RPS26: variants seen among roughly 807,000 people sequenced by gnomAD.
RPS26 encodes the protein small ribosomal subunit protein eS26.
RPS26 carries 1 observed loss-of-function variant against 14.7 expected under a neutral mutation model. The ratio of observed to expected loss-of-function variants is 0.07; its 90% confidence interval spans 0.02 to 0.32. The LOEUF is 0.32. Among genes scored for constraint, RPS26 ranks in the 10% least tolerant of loss-of-function variants. The pLI is 1.00. For synonymous variants in RPS26, 59 were observed against 53.1 expected (o/e 1.11, Z -0.48); for missense variants, 63 against 157.7 (o/e 0.40, Z 3.22).
intron 2 of RPS26, chr12:56,042,884 C>A (rs1462672145): frequency 3.7e-6 from 2 of 533,890 alleles, no homozygotes; most frequent in Non-Finnish European, 6.7e-6. Flanking sequence ...TTTGACAATT[C>A]TTGTGCTATT....
chr12:56,044,060 GGGAA>G, intron 3 of RPS26, 55 bp from the exon 4 acceptor site: 1 of 1,440,898 alleles, frequency 6.9e-7, no homozygotes, highest in Non-Finnish European at 9.8e-7. Flanking sequence ...AGTTCTTTGG[GGGAA>G]GGGAGTCTTG....
intron 1 of RPS26, 63 bp from the exon 2 acceptor site, chr12:56,042,362 G>A (rs1197411407): frequency 1.3e-5 from 21 of 1,575,210 alleles, no homozygotes; most frequent in Non-Finnish European, 1.8e-5. Context: ...GCTTGTGGCC[G>A]GAAAGGGACT....
In RPS26 at chr12:56,044,152, T is replaced by A; in HGVS notation, c.346T>A (p.Ter116LysextTer17). ...CCCACGTCCCCCACCAAAGCCCATG[T>A]AAGGAGCTGAGTTCTTAAAGACTGA... ...AAPRPPPKPM[*>K] Residue 116 changes from the stop codon to lysine, a stop_lost, in exon 4 of 4, where the codon TAA becomes AAA. Transcript: ENST00000646449. 6.2e-7 allele frequency: 1 copy of A among 1,610,870 alleles called. No homozygotes were observed.
intron 3 of RPS26, 60 bp downstream of exon 3, chr12:56,043,553 A>G (rs951706782): frequency 6.4e-6 from 10 of 1,573,294 alleles, no homozygotes; most frequent in Middle Eastern, 1.7e-4. Flanking sequence ...TTCATCCTGG[A>G]GGGTCAGGGT....
At chr12:56,042,859 T>C in intron 2 of RPS26, 1 of 564,606 alleles carries the variant, frequency 1.8e-6, no homozygotes. Flanking sequence ...TTGCAAAAAC[T>C]AGAAACTTGG....
At chr12:56,042,829 T>C in intron 2 of RPS26, 1 of 596,856 alleles carries the variant, frequency 1.7e-6, no homozygotes, top group Middle Eastern at 4.5e-4. Context: ...GGTAAAGGTT[T>C]GCCTGTTTCG....
intron 3 of RPS26, among the ~76,000 whole-genome samples, 185 bp from the exon 4 acceptor site, chr12:56,043,934 C>T (rs1265944743): frequency 1.3e-5 from 2 of 152,034 alleles, no homozygotes; most frequent in Non-Finnish European, 2.9e-5. Context: ...CACTGCAAAG[C>T]AGTGTTAGAA....
At chr12:56,042,890 C>T (rs1895908710) in intron 2 of RPS26, 4 of 520,960 alleles carry the variant, frequency 7.7e-6, no homozygotes, top group East Asian at 7.2e-5. Context: ...AATTCTTGTG[C>T]TATTGATTAT....
rs1045784939 is a variant in RPS26 at position 56,042,947 on chromosome 12, T to C, written c.181+345T>C. 3 of 423,956 alleles carry C rather than the reference T, an allele frequency of 7.1e-6. No individual in the cohort carries two copies. The Admixed American group carries it at 1.1e-4, about 16-fold the overall frequency. The allele number at this position is 423,956 out of a possible 1,614,324, so 26.3% of individuals were successfully genotyped here. On this transcript the variant is annotated intron_variant, in intron 2 of 3. Transcript: ENST00000646449. ...CAGGTGAGGAAGAATGTCTTCAACGTTTCGAGAATGGAGGCCGTCTAGTTT... is the reference window on the plus strand; with the variant it reads ...CAGGTGAGGAAGAATGTCTTCAACGCTTCGAGAATGGAGGCCGTCTAGTTT...
At chr12:56,042,832 C>G (rs1359210879) in intron 2 of RPS26, 3 of 592,662 alleles carry the variant, frequency 5.1e-6, no homozygotes, top group Non-Finnish European at 9.0e-6. Context: ...AAAGGTTTGC[C>G]TGTTTCGGTT....
rs771942773 is a variant in RPS26 at position 56,043,359 on chromosome 12, T to A, written c.182-4T>A. 6.2e-7 allele frequency: 1 copy of A among 1,611,526 alleles called. No individual in the cohort carries two copies. Among genetic ancestry groups the A allele is most frequent in the South Asian group, 1.1e-5 (1 of 90,976 alleles). On this transcript the variant is annotated splice_polypyrimidine_tract_variant and splice_region_variant and intron_variant, in intron 2 of 3. Transcript: ENST00000646449. ...CCAGTATAACTCTATTTTCTATTCCTTAGCCTATGTGCTTCCCAAGCTGTA... is the reference window on the plus strand; with the variant it reads ...CCAGTATAACTCTATTTTCTATTCCATAGCCTATGTGCTTCCCAAGCTGTA...
intron 3 of RPS26, among the ~76,000 whole-genome samples, chr12:56,043,703 C>T (rs1333605430): frequency 1.3e-5 from 2 of 151,822 alleles, no homozygotes; most frequent in South Asian, 2.1e-4. Flanking sequence ...TCTGGCTGCT[C>T]GAGAGGCTGA....
intron 1 of RPS26, 69 bp from the exon 2 acceptor site, chr12:56,042,356 G>A (rs1593022945): frequency 6.4e-7 from 1 of 1,570,160 alleles, no homozygotes; most frequent in East Asian, 2.3e-5. Context: ...GGTGCGGCTT[G>A]TGGCCGGAAA....
At chr12:56,042,951 G>A (rs1895909924) in intron 2 of RPS26, 3 of 420,672 alleles carry the variant, frequency 7.1e-6, no homozygotes, top group South Asian at 4.4e-5. Context: ...TCAACGTTTC[G>A]AGAATGGAGG....
intron 3 of RPS26, 149 bp from the exon 4 acceptor site, chr12:56,043,970 G>A (rs76136810): frequency 6.3e-6 from 5 of 796,704 alleles, no homozygotes; most frequent in Admixed American, 1.7e-5. Context: ...AGGATGCAGA[G>A]TAGTGTTCTC....
intron 2 of RPS26, 65 bp from the exon 3 acceptor site, chr12:56,043,298 A>G: frequency 6.9e-7 from 1 of 1,457,732 alleles, no homozygotes; most frequent in Non-Finnish European, 9.6e-7. Flanking sequence ...GGTGCTCTTC[A>G]TTCATGTAAC....
At position 56,044,311 on chromosome 12, in the gene RPS26, G is replaced by A; in HGVS notation, c.*157G>A. The A allele has an allele frequency of 1.6e-6, 1 of 619,496 alleles. No individual in the cohort carries two copies. The allele number at this position is 619,496 out of a possible 1,614,324, so 38.4% of individuals were successfully genotyped here. A position where few individuals can be genotyped will look rare whatever the true frequency, so the allele number is the denominator to read the frequency against. Reference sequence around the variant, plus strand: ...GAAGTGACACACATTATTTTCATGGGGAAGAAAGCTTATTCATGTAATTTA... The same window carrying A: ...GAAGTGACACACATTATTTTCATGGAGAAGAAAGCTTATTCATGTAATTTA... On this transcript the variant is annotated 3_prime_UTR_variant, in exon 4 of 4. Coordinates refer to ENST00000646449, the MANE Select transcript of RPS26 (RefSeq NM_001029.5).
intron 2 of RPS26, 199 bp from the exon 3 acceptor site, chr12:56,043,164 A>G (rs1459231512): frequency 7.1e-6 from 4 of 560,368 alleles, no homozygotes; most frequent in Non-Finnish European, 1.3e-5. Flanking sequence ...ATGTTAATTC[A>G]CTTGTAAAAC....
In RPS26 at chr12:56,042,156, G is replaced by C. The variant is rs1053531888; in HGVS notation, c.-11G>C. 5 of 1,613,982 alleles carry C rather than the reference G, an allele frequency of 3.1e-6. No individual in the cohort carries two copies. In the African/African-American group the frequency reaches 5.3e-5, roughly 17 times the overall value. On this transcript the variant is annotated 5_prime_UTR_variant, in exon 1 of 4. Coordinates refer to ENST00000646449, the MANE Select transcript of RPS26 (RefSeq NM_001029.5). ...AGGCACCGTCTCCTCTCTCCGGTCC[G>C]TGCCTCCAAGATGGTGAGTCTTCTT...
Sources: gnomAD v4.1 joint callset for allele counts (sites outside exome capture counted in the v4.1 genomes callset) on GRCh38, gnomAD v4.1.1 for gene constraint, MANE v1.5 for transcripts, NCBI Gene and HGNC (gene_info 2026-07-23, HGNC 2026-07-21) for gene names.